Variants in EPM2A observed in about 807,000 individuals in gnomAD.
The protein encoded by EPM2A is laforin.
A neutral mutation model predicts 26.5 loss-of-function variants in EPM2A; 21 were observed. That is an observed-to-expected ratio of 0.79 (90% confidence interval 0.56 to 1.14). The LOEUF (loss-of-function observed/expected upper bound fraction) is 1.14, where lower values mean the gene tolerates loss of function less well. Among genes scored for constraint, EPM2A ranks in the 50% most tolerant of loss-of-function variants. EPM2A has a pLI of 0.00. For synonymous variants in EPM2A, 217 were observed against 177.6 expected (o/e 1.22, Z -1.76); for missense variants, 458 against 440.8 (o/e 1.04, Z -0.35).
intron 4 of EPM2A, among the ~76,000 whole-genome samples, chr6:145,493,305 A>G (rs1379186597): frequency 2.0e-5 from 3 of 152,202 alleles, no homozygotes; most frequent in African/African-American, 7.2e-5. Context: ...TTGTTGGTGT[A>G]TTGAAAGGTA....
intron 2 of EPM2A, among the ~76,000 whole-genome samples, chr6:145,673,627 C>T (rs979337662): frequency 1.3e-5 from 2 of 152,198 alleles, no homozygotes; most frequent in East Asian, 3.8e-4. Context: ...GATTCTCTCC[C>T]GTGCCTAGCT....
chr6:145,418,896 T>C (rs1778743977), intron 4 of EPM2A, among the ~76,000 whole-genome samples: 2 of 152,192 alleles, frequency 1.3e-5, no homozygotes, highest in South Asian at 4.1e-4. Context: ...TTAAAAAATG[T>C]CTTTTTAAAT....
At chr6:145,413,385 T>G (rs898633164) in intron 4 of EPM2A, among the ~76,000 whole-genome samples, 3 of 152,232 alleles carry the variant, frequency 2.0e-5, no homozygotes, top group African/African-American at 7.2e-5. Flanking sequence ...TTTTGTTGTG[T>G]AGTTTGAAAT....
chr6:145,553,240 C>A (rs1780679307), intron 2 of EPM2A, among the ~76,000 whole-genome samples: 1 of 152,152 alleles, frequency 6.6e-6, no homozygotes, highest in African/African-American at 2.4e-5. Flanking sequence ...CTCTCACCAG[C>A]CGTGCATAAT....
At position 145,626,819 on chromosome 6, in the gene EPM2A, A is replaced by G. The variant is rs1712766005; in HGVS notation, c.*597T>C. The G allele has an allele frequency of 6.1e-6, 6 of 986,680 alleles. No homozygotes were observed. The Admixed American group carries it at 3.0e-4, about 50-fold the overall frequency. 61.1% of individuals were successfully genotyped at this position (986,680 alleles called of 1,614,324 possible). A position where few individuals can be genotyped will look rare whatever the true frequency, so the allele number is the denominator to read the frequency against. ...GAGATAATTCTACTTTAGTTGTTAC[A>G]CAGGGTTGTTGGGTAGAGAAGGAAG... On this transcript the variant is annotated 3_prime_UTR_variant, in exon 4 of 4. Transcript: ENST00000367519.
At chr6:145,556,810 T>C (rs1363675886) in intron 2 of EPM2A, among the ~76,000 whole-genome samples, 1 of 152,158 alleles carries the variant, frequency 6.6e-6, no homozygotes, top group African/African-American at 2.4e-5. Flanking sequence ...ATGTCTCTGA[T>C]TTCCATTCTG....
intron 4 of EPM2A, among the ~76,000 whole-genome samples, chr6:145,403,635 GA>G (rs1778526928): frequency 6.6e-6 from 1 of 152,034 alleles, no homozygotes; most frequent in African/African-American, 2.4e-5. Flanking sequence ...CACTGTGTAT[GA>G]GTACCACATT....
chr6:145,488,232 G>A (rs2114738868), intron 4 of EPM2A, among the ~76,000 whole-genome samples: 1 of 152,218 alleles, frequency 6.6e-6, no homozygotes, highest in Admixed American at 6.5e-5. Flanking sequence ...GCATGGTATA[G>A]TTTGAAGCCT....
chr6:145,626,299 C>G lies in EPM2A; in HGVS notation c.*1117G>C, dbSNP rs1244264004. On this transcript the variant is annotated 3_prime_UTR_variant, in exon 4 of 4. Transcript: ENST00000367519. Reference sequence around the variant, plus strand: ...GCTGCATAGTCTGGAGGCACAGGAACTGCATATTATACTAAATTGAGAGCT... The same window carrying G: ...GCTGCATAGTCTGGAGGCACAGGAAGTGCATATTATACTAAATTGAGAGCT... 5 of 986,744 alleles carry G rather than the reference C, an allele frequency of 5.1e-6. No individual in the cohort carries two copies. Among genetic ancestry groups the G allele is most frequent in the Non-Finnish European group, 6.0e-6 (5 of 830,694 alleles). 61.1% of individuals were successfully genotyped at this position (986,744 alleles called of 1,614,324 possible).
intron 2 of EPM2A, among the ~76,000 whole-genome samples, chr6:145,555,435 A>G (rs1780716168): frequency 6.6e-6 from 1 of 152,116 alleles, no homozygotes; most frequent in Non-Finnish European, 1.5e-5. Flanking sequence ...GCCAGGAAAC[A>G]CTGGCAATCT....
intron 1 of EPM2A, among the ~76,000 whole-genome samples, chr6:145,720,216 G>T (rs1775880275): frequency 6.6e-6 from 1 of 152,076 alleles, no homozygotes; most frequent in African/African-American, 2.4e-5. Flanking sequence ...AGCATACATA[G>T]CTCTGGAGTA....
chr6:145,703,609 T>C (rs568569122), intron 1 of EPM2A, among the ~76,000 whole-genome samples: 41 of 152,314 alleles, frequency 2.7e-4, no homozygotes, highest in African/African-American at 9.4e-4. Context: ...ATTGCACTGA[T>C]AGTCTCTTTA....
intron 1 of EPM2A, chr6:145,705,877 G>A (rs1782196370): frequency 2.2e-6 from 1 of 456,664 alleles, no homozygotes; most frequent in Non-Finnish European, 4.4e-6. Flanking sequence ...GTAATCGCCT[G>A]CCATGCTCCA....
intron 4 of EPM2A, among the ~76,000 whole-genome samples, chr6:145,466,329 A>G (rs887095645): frequency 4.6e-5 from 7 of 152,168 alleles, no homozygotes; most frequent in South Asian, 2.1e-4. Context: ...AAAAGTGGGC[A>G]AAGGACATGA....
intron 2 of EPM2A, among the ~76,000 whole-genome samples, chr6:145,583,735 A>G (rs1781147717): frequency 1.3e-5 from 2 of 152,370 alleles, no homozygotes; most frequent in East Asian, 3.9e-4. Flanking sequence ...GCATCCATGC[A>G]TGCATTCACA....
downstream of EPM2A, among the ~76,000 whole-genome samples, chr6:145,499,156 T>C (rs779772985): frequency 6.6e-6 from 1 of 152,328 alleles, no homozygotes; most frequent in African/African-American, 2.4e-5. Flanking sequence ...GAATAAAATG[T>C]ATAATGCTCT....
intron 2 of EPM2A, among the ~76,000 whole-genome samples, chr6:145,576,983 C>A (rs1182201126): frequency 6.6e-6 from 1 of 150,550 alleles, no homozygotes; most frequent in African/African-American, 2.4e-5. Flanking sequence ...ATGTTTTTTA[C>A]AAGCTTCATG....
chr6:145,418,553 G>A (rs1778738826), intron 4 of EPM2A, among the ~76,000 whole-genome samples: 1 of 152,176 alleles, frequency 6.6e-6, no homozygotes, highest in Non-Finnish European at 1.5e-5. Context: ...TCTCAGGAAG[G>A]GGGCTTTAGC....
At chr6:145,572,438 T>G (rs1165811923) in intron 2 of EPM2A, among the ~76,000 whole-genome samples, 4 of 152,128 alleles carry the variant, frequency 2.6e-5, no homozygotes, top group African/African-American at 7.2e-5. Context: ...TATATACCAC[T>G]TCCATTTGAT....
Sources: allele counts gnomAD v4.1 joint callset (sites outside exome capture counted in the v4.1 genomes callset), GRCh38; gene constraint gnomAD v4.1.1; transcripts MANE v1.5; gene names NCBI Gene and HGNC (gene_info 2026-07-23, HGNC 2026-07-21).